Variants in HS6ST3 observed in about 807,000 individuals in gnomAD.
The protein encoded by HS6ST3 is heparan sulfate 6-O-sulfotransferase 3, also known as heparan-sulfate 6-O-sulfotransferase 3.
HS6ST3 carries 12 observed loss-of-function variants against 36.7 expected under a neutral mutation model. The ratio of observed to expected loss-of-function variants is 0.33; its 90% CI spans 0.21 to 0.53. The LOEUF (loss-of-function observed/expected upper bound fraction) is 0.53. Ranked by LOEUF, HS6ST3 falls within the 20% of genes least tolerant of loss-of-function variation. The pLI, the probability that HS6ST3 is intolerant of heterozygous loss-of-function variation, is 0.95. For missense variants in HS6ST3, 584 were observed against 640.9 expected, an observed-to-expected ratio of 0.91 and a Z score of 0.96; for synonymous variants, 240 against 257.5, an observed-to-expected ratio of 0.93 and a Z score of 0.65.
chr13:96,404,855 G>A (rs1488626687), intron 1 of HS6ST3, among the ~76,000 whole-genome samples: 3 of 152,206 alleles, frequency 2.0e-5, no homozygotes, highest in African/African-American at 7.2e-5. Flanking sequence ...TCCCACAATA[G>A]CCACATATAA....
intron 1 of HS6ST3, among the ~76,000 whole-genome samples, chr13:96,455,623 A>C (rs1324499527): frequency 1.3e-5 from 2 of 152,212 alleles, no homozygotes; most frequent in Non-Finnish European, 2.9e-5. Flanking sequence ...TTGATAGATA[A>C]AACAAAATTA....
Position 96,833,369 on chromosome 13 carries a change from CTTG to C in HS6ST3, c.*174_*176del. The C allele has an allele frequency of 1.6e-6, 1 of 608,838 alleles. No homozygotes were observed. The highest frequency in any genetic ancestry group is 2.8e-6 in the Non-Finnish European group (1 of 360,108). 37.7% of individuals were successfully genotyped at this position (608,838 alleles called of 1,614,324 possible). On this transcript the variant is annotated 3_prime_UTR_variant, in exon 2 of 2. Transcript: ENST00000376705. ...TTTTATCCAGCTGGAGATTATCCGT[CTTG>C]TTCTTTTTTTTCTTGACATTTTGCA...
intron 1 of HS6ST3, among the ~76,000 whole-genome samples, chr13:96,791,922 T>C (rs1166321243): frequency 6.6e-6 from 1 of 152,090 alleles, no homozygotes; most frequent in Non-Finnish European, 1.5e-5. Flanking sequence ...TCTTTATGTA[T>C]TTTATATATA....
intron 1 of HS6ST3, among the ~76,000 whole-genome samples, chr13:96,751,778 A>C (rs1355834263): frequency 3.3e-5 from 5 of 151,692 alleles, no homozygotes; most frequent in African/African-American, 1.2e-4. Flanking sequence ...ATATGTGTAC[A>C]TATACATATA....
intron 1 of HS6ST3, among the ~76,000 whole-genome samples, chr13:96,415,916 T>A (rs552270742): frequency 1.3e-5 from 2 of 152,354 alleles, no homozygotes; most frequent in East Asian, 3.9e-4. Flanking sequence ...AATTTCTCTT[T>A]GGTAAGTTAG....
intron 1 of HS6ST3, among the ~76,000 whole-genome samples, chr13:96,410,915 T>C (rs1307138765): frequency 6.6e-6 from 1 of 152,168 alleles, no homozygotes; most frequent in Non-Finnish European, 1.5e-5. Flanking sequence ...TCTTTAAAAA[T>C]AATGAGAGAA....
At position 96,718,359 on chromosome 13, in the gene HS6ST3, T is replaced by C. The variant is rs549429250; in HGVS notation, c.708-114131T>C. ...AGATCAAAGCTTTCCTTCCATCTCT[T>C]TTTAATTGAAGAGTATCTTGAGATT... On this transcript the variant is annotated intron_variant, in intron 1 of 1. Transcript: ENST00000376705. 4.3e-4 allele frequency among the ~76,000 whole-genome samples: 65 copies of C among 152,318 alleles called. No individual in the cohort carries two copies. The South Asian group carries it at 0.012, about 29-fold the overall frequency.
At chr13:96,106,715 A>G (rs1275415997) in intron 1 of HS6ST3, among the ~76,000 whole-genome samples, 4 of 152,220 alleles carry the variant, frequency 2.6e-5, no homozygotes, top group Non-Finnish European at 4.4e-5. Context: ...TTGACAGTTG[A>G]AAGATGGGAT....
At chr13:96,310,937 A>G (rs2054938035) in intron 1 of HS6ST3, among the ~76,000 whole-genome samples, 1 of 152,084 alleles carries the variant, frequency 6.6e-6, no homozygotes, top group Non-Finnish European at 1.5e-5. Context: ...TATGTGTTGC[A>G]TGTATACCTC....
chr13:96,469,620 C>G (rs557349888), intron 1 of HS6ST3, among the ~76,000 whole-genome samples: 2 of 152,118 alleles, frequency 1.3e-5, no homozygotes, highest in Non-Finnish European at 2.9e-5. Flanking sequence ...ATTACTGAGT[C>G]AAACAGCAAC....
intron 1 of HS6ST3, among the ~76,000 whole-genome samples, chr13:96,545,482 G>C (rs1414341837): frequency 2.0e-5 from 3 of 152,176 alleles, no homozygotes; most frequent in African/African-American, 7.2e-5. Context: ...CCACCTTGAT[G>C]ATCATGGGCA....
chr13:96,230,451 C>A (rs1186263203), intron 1 of HS6ST3, among the ~76,000 whole-genome samples: 2 of 152,138 alleles, frequency 1.3e-5, no homozygotes, highest in East Asian at 1.9e-4. Flanking sequence ...ATTTGCGGTT[C>A]CAAGTGTAAC....
intron 1 of HS6ST3, among the ~76,000 whole-genome samples, chr13:96,320,564 T>A (rs1413057306): frequency 1.3e-5 from 2 of 152,178 alleles, no homozygotes; most frequent in East Asian, 3.9e-4. Context: ...TTTCTATCTT[T>A]GAGATTGGAT....
intron 1 of HS6ST3, among the ~76,000 whole-genome samples, chr13:96,281,240 G>T (rs367822704): frequency 6.6e-6 from 1 of 152,078 alleles, no homozygotes; most frequent in African/African-American, 2.4e-5. Flanking sequence ...TCTTGACCTC[G>T]TGATCTGCCC....
chr13:96,098,641 G>A (rs1236279094), intron 1 of HS6ST3, among the ~76,000 whole-genome samples: 1 of 148,592 alleles, frequency 6.7e-6, no homozygotes, highest in Non-Finnish European at 1.5e-5. Context: ...AGGCAACAAA[G>A]TGAAACCCTA....
rs1455464834 is a variant in HS6ST3 at position 96,091,147 on chromosome 13, C to T, written c.285C>T (p.Pro95=). Reference sequence around the variant, plus strand: ...CGCCGGAGGAGGAGGACGAGGAGCCCGGAGACCCCCGGGAGGGGGAGGAAG... The same window carrying T: ...CGCCGGAGGAGGAGGACGAGGAGCCTGGAGACCCCCGGGAGGGGGAGGAAG... ...AAAPEEEDEE[P]GDPREGEEEE... Residue 95 remains proline, a synonymous_variant, in exon 1 of 2, where the codon CCC becomes CCT. Transcript: ENST00000376705. The T allele has an allele frequency of 6.6e-7, 1 of 1,519,868 alleles. No homozygotes were observed. The highest frequency in any genetic ancestry group is 1.4e-5 in the African/African-American group (1 of 71,714). 94.1% of individuals were successfully genotyped at this position (1,519,868 alleles called of 1,614,324 possible).
At chr13:96,550,401 G>A (rs2056215338) in intron 1 of HS6ST3, among the ~76,000 whole-genome samples, 1 of 152,186 alleles carries the variant, frequency 6.6e-6, no homozygotes, top group Non-Finnish European at 1.5e-5. Flanking sequence ...CTGAGCAGAT[G>A]CTGGTGACAT....
chr13:96,330,572 C>T (rs1442013539), intron 1 of HS6ST3, among the ~76,000 whole-genome samples: 2 of 152,080 alleles, frequency 1.3e-5, no homozygotes, highest in African/African-American at 4.8e-5. Context: ...TGATGGGTTT[C>T]CCTTTGAGGG....
chr13:96,508,284 AT>A (rs1302102127), intron 1 of HS6ST3, among the ~76,000 whole-genome samples: 3 of 151,322 alleles, frequency 2.0e-5, no homozygotes, highest in Non-Finnish European at 3.0e-5. Context: ...TGTAGTTTTC[AT>A]TTTTTTTGCC....
Sources: allele counts gnomAD v4.1 joint callset (sites outside exome capture counted in the v4.1 genomes callset), GRCh38; gene constraint gnomAD v4.1.1; transcripts MANE v1.5; gene names NCBI Gene and HGNC (gene_info 2026-07-23, HGNC 2026-07-21).